The following SLC7A8 variants were observed in gnomAD, a reference collection of about 807,000 sequenced individuals.
SLC7A8 encodes large neutral amino acids transporter small subunit 2.
Under a neutral mutation model 51.2 loss-of-function variants are expected in SLC7A8, and 30 were observed. The observed-to-expected ratio is 0.59, with a 90% CI of 0.44 to 0.80. SLC7A8 has a LOEUF of 0.80. Ranked by LOEUF, SLC7A8 falls within the 30% of genes least tolerant of loss-of-function variation. SLC7A8 has a pLI of 0.00. For synonymous variants in SLC7A8, 257 were observed against 275.8 expected (o/e 0.93, Z 0.67); for missense variants, 612 against 674.4 (o/e 0.91, Z 1.03).
At chr14:23,173,272 T>C (rs2048983528) in intron 1 of SLC7A8, among the ~76,000 whole-genome samples, 1 of 152,186 alleles carries the variant, frequency 6.6e-6, no homozygotes, top group Non-Finnish European at 1.5e-5. Flanking sequence ...TATTGCAATA[T>C]ATGGCAAGAT....
Position 23,165,766 on chromosome 14 carries a change from A to G in SLC7A8, c.357-330T>C, listed in dbSNP as rs1344742855. Reference sequence around the variant, plus strand: ...ACCCCAGAATGTTGATAGACAGGACATACTAAGGGTGTGGTTACGTAAGCA... The same window carrying G: ...ACCCCAGAATGTTGATAGACAGGACGTACTAAGGGTGTGGTTACGTAAGCA... On this transcript the variant is annotated intron_variant, in intron 2 of 10. Coordinates refer to ENST00000316902, the MANE Select transcript of SLC7A8 (RefSeq NM_012244.4). This position sits in a 1 kb window ranked among gnomAD's most constrained non-coding sequence, Gnocchi z 4.2. 2.0e-5 allele frequency among the ~76,000 whole-genome samples: 3 copies of G among 152,166 alleles called. No homozygotes were observed. The highest frequency in any genetic ancestry group is 7.2e-5 in the African/African-American group (3 of 41,442).
chr14:23,128,551 A>G lies in SLC7A8; in HGVS notation c.1264-355T>C, dbSNP rs546915106. On this transcript the variant is annotated intron_variant, in intron 9 of 10. Transcript: ENST00000316902. This position sits in a 1 kb window ranked among gnomAD's most constrained non-coding sequence, Gnocchi z 4.3. ...CAGGGATGGAGAAGCTTGCTGGCAC[A>G]TGGGTGTGTCTGCTGAGGTCCTAGG... Among the ~76,000 whole-genome samples the G allele has an allele frequency of 2.6e-5, 4 of 152,300 alleles. No individual in the cohort carries two copies. In the South Asian group the frequency reaches 8.3e-4, roughly 32 times the overall value.
At chr14:23,152,984 G>A (rs10137531) in intron 3 of SLC7A8, among the ~76,000 whole-genome samples, 2 of 152,232 alleles carry the variant, frequency 1.3e-5, no homozygotes, top group African/African-American at 2.4e-5. Flanking sequence ...GAACCAGTTG[G>A]GACTCTCCTT....
intron 6 of SLC7A8, 43 bp downstream of exon 6, chr14:23,139,381 G>A (rs2048720542): frequency 1.9e-6 from 3 of 1,612,762 alleles, no homozygotes; most frequent in Non-Finnish European, 2.5e-6. Flanking sequence ...GCAAGTCTAT[G>A]TCTGCATTCC....
chr14:23,143,496 A>G (rs1188942464), intron 3 of SLC7A8, among the ~76,000 whole-genome samples: 1 of 152,224 alleles, frequency 6.6e-6, no homozygotes, highest in Non-Finnish European at 1.5e-5. Context: ...ATCACATCTG[A>G]TCAGGGCACA....
intron 3 of SLC7A8, chr14:23,154,199 A>G: frequency 4.1e-6 from 4 of 984,092 alleles, no homozygotes; most frequent in Non-Finnish European, 4.9e-6. Context: ...CAGCCCTCTG[A>G]AACGCCATAA....
chr14:23,182,972 G>T lies in SLC7A8; in HGVS notation c.-58C>A. On this transcript the variant is annotated 5_prime_UTR_variant, in exon 1 of 11. Coordinates refer to ENST00000316902, the MANE Select transcript of SLC7A8 (RefSeq NM_012244.4). ...CCTCCCTTTCTAAATGCGTATTCGT[G>T]TAAATATATTGGGAGAGAGCTTTGA... 6.2e-7 allele frequency: 1 copy of T among 1,607,480 alleles called. No homozygotes were observed. The highest frequency in any genetic ancestry group is 1.7e-5 in the Admixed American group (1 of 59,956).
In SLC7A8 at chr14:23,127,257, C is replaced by T. The variant is rs2048586476; in HGVS notation, c.1528G>A (p.Asp510Asn). ...ATGGGCTGCTGCTGCTCCTCCATGT[C>T]CTCATTAGCCTCCTCTGTCCCTGAG... ...RGSGTEEANE[D>N]MEEQQQPMYQ... is the part of the protein sequence containing the mutation. The change falls in exon 11 of 11, where the codon GAC (aspartate) becomes AAC (asparagine). Residue 510 changes from aspartate (D) to asparagine (N), a missense_variant. Asp to Asn is a conservative substitution (Grantham distance 23, BLOSUM62 1). Transcript: ENST00000316902. The T allele has an allele frequency of 5.6e-6, 9 of 1,613,968 alleles. No homozygotes were observed. Among genetic ancestry groups the T allele is most frequent in the Non-Finnish European group, 6.8e-6 (8 of 1,179,976 alleles).
intron 2 of SLC7A8, 29 bp downstream of exon 2, chr14:23,166,307 A>C (rs1594838468): frequency 6.2e-7 from 1 of 1,606,566 alleles, no homozygotes; most frequent in Non-Finnish European, 8.5e-7. Flanking sequence ...TTTCCCCTAG[A>C]CCATTCAGGT....
intron 1 of SLC7A8, among the ~76,000 whole-genome samples, chr14:23,175,188 A>C (rs1276739314): frequency 6.6e-6 from 1 of 151,962 alleles, no homozygotes; most frequent in Non-Finnish European, 1.5e-5. Flanking sequence ...TGAGAAGGTT[A>C]TTTGGTTTGG....
At chr14:23,155,596 A>G in intron 3 of SLC7A8, 1 of 832,138 alleles carries the variant, frequency 1.2e-6, no homozygotes, top group Non-Finnish European at 1.6e-6. Flanking sequence ...CTGGACACCA[A>G]GAAATCCAGG....
intron 1 of SLC7A8, among the ~76,000 whole-genome samples, chr14:23,167,105 G>T (rs146916100): frequency 3.9e-5 from 6 of 152,214 alleles, no homozygotes; most frequent in Non-Finnish European, 8.8e-5. Flanking sequence ...ACTTACAAGT[G>T]TGGAAAACAC....
chr14:23,154,809 T>C (rs1188934684), intron 3 of SLC7A8, among the ~76,000 whole-genome samples: 2 of 151,934 alleles, frequency 1.3e-5, no homozygotes, highest in African/African-American at 4.8e-5. Flanking sequence ...AGAATCCTTC[T>C]CTATTCCCCG....
chr14:23,167,955 A>G (rs570315513), intron 1 of SLC7A8, among the ~76,000 whole-genome samples: 3 of 152,196 alleles, frequency 2.0e-5, no homozygotes, highest in Non-Finnish European at 2.9e-5. Context: ...AGACTGAAAT[A>G]TAGGATCAGA....
intron 7 of SLC7A8, among the ~76,000 whole-genome samples, chr14:23,136,995 T>C (rs1408662240): frequency 6.6e-6 from 1 of 152,232 alleles, no homozygotes; most frequent in Non-Finnish European, 1.5e-5. Flanking sequence ...ACAGGAACTC[T>C]TCCTGATGTG....
chr14:23,129,945 T>C (rs1273753323), intron 8 of SLC7A8, 146 bp from the exon 9 acceptor site: 4 of 773,814 alleles, frequency 5.2e-6, no homozygotes, highest in Non-Finnish European at 8.3e-6. Flanking sequence ...CCTCCCCTAG[T>C]AACCCAATAT....
At chr14:23,170,852 A>C (rs2048972049) in intron 1 of SLC7A8, among the ~76,000 whole-genome samples, 1 of 151,956 alleles carries the variant, frequency 6.6e-6, no homozygotes, top group South Asian at 2.1e-4. Context: ...CAGCCTCCCA[A>C]GTAGCTAGGA....
chr14:23,144,723 C>T lies in SLC7A8; in HGVS notation c.509-1519G>A, dbSNP rs796139066. 2.7e-4 allele frequency among the ~76,000 whole-genome samples: 41 copies of T among 152,218 alleles called. 1 individual carries two copies. The highest frequency in any genetic ancestry group is 9.9e-4 in the African/African-American group (41 of 41,526). ...TGCGCCATCTCCACCTGGCAAACCC[C>T]TTCTCCTCTTTCAAGATCCAGCTTA... On this transcript the variant is annotated intron_variant, in intron 3 of 10. Transcript: ENST00000316902.
At chr14:23,162,327 C>A (rs10150592) in intron 3 of SLC7A8, among the ~76,000 whole-genome samples, 45,344 of 152,010 alleles carry the variant, frequency 0.3, 9,752 homozygotes, top group African/African-American at 0.61. Context: ...ATAAGGAAGA[C>A]TACGCTTGGG....
Sources: gnomAD v4.1 joint callset for allele counts (sites outside exome capture counted in the v4.1 genomes callset) on GRCh38, gnomAD v4.1.1 for gene constraint, Gnocchi (gnomAD v3.1) non-coding constraint, MANE v1.5 for transcripts, NCBI Gene and HGNC (gene_info 2026-07-23, HGNC 2026-07-21) for gene names.